CHST9: variants seen among roughly 807,000 people sequenced by gnomAD.
CHST9 encodes carbohydrate sulfotransferase 9.
A neutral mutation model predicts 44.4 loss-of-function variants in CHST9; 41 were observed. The ratio of observed to expected loss-of-function variants is 0.92; its 90% confidence interval spans 0.72 to 1.20. CHST9 has a LOEUF of 1.20. CHST9 is among the 50% of genes most tolerant of loss of function. The probability of loss-of-function intolerance (pLI) is 0.00; values close to 1 mark genes in which losing one functional copy is unlikely to be tolerated. For missense variants in CHST9, 504 were observed against 516.5 expected (o/e 0.98, Z 0.23); for synonymous variants, 171 against 178.4 (o/e 0.96, Z 0.33).
rs531238382 is a variant in CHST9 at position 27,103,173 on chromosome 18, T to A, written c.121+39516A>T. On this transcript the variant is annotated intron_variant, in intron 2 of 5. Transcript: ENST00000618847. ...TAACCTTTTCCTTTTATTGTTAAAATGAGTAAACTGAGGCATAGAACGGGT... is the reference window on the plus strand; with the variant it reads ...TAACCTTTTCCTTTTATTGTTAAAAAGAGTAAACTGAGGCATAGAACGGGT... Among the ~76,000 whole-genome samples, 132 of 152,304 alleles carry A rather than the reference T, an allele frequency of 8.7e-4. 1 individual carries two copies. The highest frequency in any genetic ancestry group is 2.8e-3 in the African/African-American group (116 of 41,570).
At position 27,073,683 on chromosome 18, in the gene CHST9, G is replaced by A. The variant is rs535707379; in HGVS notation, c.122-25180C>T. Among the ~76,000 whole-genome samples, 11 of 151,962 alleles carry A rather than the reference G, an allele frequency of 7.2e-5. No homozygotes were observed. In the South Asian group the frequency reaches 1.9e-3, roughly 26 times the overall value. The stretch of plus-strand genomic sequence containing the variant: ...AAGGTCGCCATTCCATGAGATTGAC[G>A]TATTCAGTAGCCACTCCTGCTGCAC... On this transcript the variant is annotated intron_variant, in intron 2 of 5. Transcript: ENST00000618847.
intron 3 of CHST9, among the ~76,000 whole-genome samples, chr18:27,037,781 T>C (rs906427260): frequency 3.3e-5 from 5 of 151,614 alleles, no homozygotes; most frequent in Admixed American, 6.6e-5. Context: ...CTAATCATTA[T>C]ACGTTATTTA....
intron 2 of CHST9, among the ~76,000 whole-genome samples, chr18:27,135,643 A>C (rs989308391): frequency 5.9e-5 from 9 of 152,176 alleles, no homozygotes; most frequent in African/African-American, 1.9e-4. Context: ...GATTTTAAAA[A>C]TCCCCGTATC....
chr18:26,954,342 C>T (rs553188014), intron 4 of CHST9, among the ~76,000 whole-genome samples: 1 of 152,296 alleles, frequency 6.6e-6, no homozygotes, highest in South Asian at 2.1e-4. Flanking sequence ...AATATATCTA[C>T]AATGCATGCT....
At chr18:26,991,127 TAGGATAAG>T (rs1458931676) in intron 4 of CHST9, among the ~76,000 whole-genome samples, 1 of 152,086 alleles carries the variant, frequency 6.6e-6, no homozygotes, top group African/African-American at 2.4e-5. Context: ...GTGGTGAGTA[TAGGATAAG>T]AGGGAAAGAA....
At chr18:27,045,966 C>G (rs1430750250) in intron 3 of CHST9, among the ~76,000 whole-genome samples, 1 of 152,006 alleles carries the variant, frequency 6.6e-6, no homozygotes, top group Non-Finnish European at 1.5e-5. Context: ...ATGATTCACT[C>G]AGTTATATAA....
At chr18:27,040,313 G>A (rs12606207) in intron 3 of CHST9, among the ~76,000 whole-genome samples, 91,582 of 151,976 alleles carry the variant, frequency 0.6, 27,777 homozygotes, top group East Asian at 0.73. Flanking sequence ...CCAAATGGAA[G>A]CCAAGATACT....
At position 26,908,884 on chromosome 18, in the gene CHST9, C is replaced by T. The variant is rs2055403781; in HGVS notation, c.*7375G>A. 1 of 152,198 alleles carries T rather than the reference C, an allele frequency of 6.6e-6. No homozygotes were observed. The highest frequency in any genetic ancestry group is 1.5e-5 in the Non-Finnish European group (1 of 68,036). The allele number at this position is 152,198 out of a possible 1,614,324, so 9.4% of individuals were successfully genotyped here. ...CTAATAACCAAATAGCAAATATTTT[C>T]CATTTTCAATCATCTTAGGTCAATT... On this transcript the variant is annotated 3_prime_UTR_variant, in exon 6 of 6. Transcript: ENST00000618847.
intron 4 of CHST9, among the ~76,000 whole-genome samples, chr18:27,019,648 G>A (rs1427248087): frequency 6.2e-5 from 8 of 129,482 alleles, no homozygotes; most frequent in Middle Eastern, 6.2e-3. Flanking sequence ...CGTCAAGGAC[G>A]CACAGAACTG....
chr18:27,114,035 ATACTGCTCTTGGACC>A lies in CHST9; in HGVS notation c.121+28639_121+28653del, dbSNP rs2058298602. ...TTTGTTAATGTTGTTAATCTAAGTA[ATACTGCTCTTGGACC>A]TAGATAAAGCTGATGTAAATACAGC... On this transcript the variant is annotated intron_variant, in intron 2 of 5. Transcript: ENST00000618847. Among the ~76,000 whole-genome samples, 4 of 152,344 alleles carry A rather than the reference ATACTGCTCTTGGACC, an allele frequency of 2.6e-5. No homozygotes were observed. In the South Asian group the frequency reaches 8.3e-4, roughly 32 times the overall value.
Position 26,916,217 on chromosome 18 carries a change from T to C in CHST9, c.*42A>G. ...AAAAATTACAGCTGATTTGAACTTA[T>C]CATCATTAAGTATATACAGGGTTTT... On this transcript the variant is annotated 3_prime_UTR_variant, in exon 6 of 6. Coordinates refer to ENST00000618847, the MANE Select transcript of CHST9 (RefSeq NM_031422.6). 1 of 1,360,160 alleles carries C rather than the reference T, an allele frequency of 7.4e-7. No homozygotes were observed. The highest frequency in any genetic ancestry group is 1.0e-6 in the Non-Finnish European group (1 of 990,454). The allele number at this position is 1,360,160 out of a possible 1,614,324, so 84.3% of individuals were successfully genotyped here. A position where few individuals can be genotyped will look rare whatever the true frequency, so the allele number is the denominator to read the frequency against.
chr18:27,009,391 C>T (rs1216988403), intron 4 of CHST9, among the ~76,000 whole-genome samples: 1 of 152,134 alleles, frequency 6.6e-6, no homozygotes, highest in Non-Finnish European at 1.5e-5. Context: ...TGGTGTTCTG[C>T]ACTCATTATT....
At chr18:27,087,866 T>C (rs762884696) in intron 2 of CHST9, among the ~76,000 whole-genome samples, 9 of 152,194 alleles carry the variant, frequency 5.9e-5, no homozygotes, top group Non-Finnish European at 1.2e-4. Context: ...CACTTGTTGG[T>C]CCTAGACACT....
chr18:27,184,650 C>T (rs2143994223), intron 1 of CHST9, among the ~76,000 whole-genome samples: 1 of 152,236 alleles, frequency 6.6e-6, no homozygotes, highest in African/African-American at 2.4e-5. Flanking sequence ...AGGAGGCACC[C>T]CCGCAGCAGA....
At chr18:27,131,887 A>G (rs1005011292) in intron 2 of CHST9, among the ~76,000 whole-genome samples, 34 of 152,242 alleles carry the variant, frequency 2.2e-4, no homozygotes, top group African/African-American at 8.2e-4. Context: ...ACCAATTGTA[A>G]GTTAAAGAAT....
intron 3 of CHST9, among the ~76,000 whole-genome samples, chr18:27,038,002 G>C (rs182472949): frequency 1.3e-5 from 2 of 152,112 alleles, no homozygotes; most frequent in Admixed American, 1.3e-4. Context: ...CCAAGAATAG[G>C]ACATTACTGG....
chr18:27,041,958 G>T (rs773818857), intron 3 of CHST9, among the ~76,000 whole-genome samples: 30 of 152,026 alleles, frequency 2.0e-4, no homozygotes, highest in Non-Finnish European at 3.1e-4. Flanking sequence ...TAAACCCAGA[G>T]AAAATTGGTT....
At chr18:27,125,696 T>C (rs888443389) in intron 2 of CHST9, among the ~76,000 whole-genome samples, 2 of 152,210 alleles carry the variant, frequency 1.3e-5, no homozygotes. Context: ...CTGTACAGGA[T>C]ATATTTTGTT....
chr18:26,940,346 C>T (rs561177495), intron 5 of CHST9, among the ~76,000 whole-genome samples: 8 of 152,204 alleles, frequency 5.3e-5, no homozygotes, highest in African/African-American at 1.7e-4. Flanking sequence ...AGCTACTGAC[C>T]CAGAATGTCT....
Sources: allele counts gnomAD v4.1 joint callset (sites outside exome capture counted in the v4.1 genomes callset), GRCh38; gene constraint gnomAD v4.1.1; transcripts MANE v1.5; gene names NCBI Gene and HGNC (gene_info 2026-07-23, HGNC 2026-07-21).